The following BPHL variants were observed in gnomAD, a reference collection of about 807,000 sequenced individuals.
The protein encoded by BPHL is biphenyl hydrolase like.
In BPHL, 27 loss-of-function variants were observed where a neutral mutation model predicts 31.2. That is an observed-to-expected ratio of 0.87 (90% confidence interval 0.64 to 1.19). The LOEUF is 1.19. BPHL is among the 50% of genes most tolerant of loss of function. The pLI is 0.00. For synonymous variants in BPHL, 150 were observed against 146.8 expected (o/e 1.02, Z -0.16); for missense variants, 356 against 375.7 (o/e 0.95, Z 0.43).
chr6:3,125,224 T>C (rs1761682661), intron 2 of BPHL, among the ~76,000 whole-genome samples: 1 of 152,124 alleles, frequency 6.6e-6, no homozygotes, highest in Non-Finnish European at 1.5e-5. Context: ...TTTGTATTTT[T>C]AGTAGAGACG....
At position 3,138,080 on chromosome 6, in the gene BPHL, A is replaced by T. The variant is rs557057738; in HGVS notation, c.664+587A>T. 5 of 1,015,588 alleles carry T rather than the reference A, an allele frequency of 4.9e-6. No individual in the cohort carries two copies. In the African/African-American group the frequency reaches 8.4e-5, roughly 17 times the overall value. 62.9% of individuals were successfully genotyped at this position (1,015,588 alleles called of 1,614,324 possible). A position where few individuals can be genotyped will look rare whatever the true frequency, so the allele number is the denominator to read the frequency against. ...TGTCACCAGGCTGGAATGCAATGGC[A>T]TGATCTCAGCTCACTGCAATCTCTG... On this transcript the variant is annotated intron_variant, in intron 5 of 6. Transcript: ENST00000380379.
chr6:3,152,936 G>A lies in BPHL; in HGVS notation c.*361G>A, dbSNP rs996785588. The A allele has an allele frequency of 1.2e-4, 20 of 164,864 alleles. No individual in the cohort carries two copies. The highest frequency in any genetic ancestry group is 2.2e-4 in the African/African-American group (9 of 41,764). 10.2% of individuals were successfully genotyped at this position (164,864 alleles called of 1,614,324 possible). A position where few individuals can be genotyped will look rare whatever the true frequency, so the allele number is the denominator to read the frequency against. ...GGTCCCAGGTGCTCAGGAAGCTGAGGTGGGAGGATCACTTGAGCCCAATTC... is the reference window on the plus strand; with the variant it reads ...GGTCCCAGGTGCTCAGGAAGCTGAGATGGGAGGATCACTTGAGCCCAATTC... On this transcript the variant is annotated 3_prime_UTR_variant, in exon 7 of 7. Coordinates refer to ENST00000380379, the MANE Select transcript of BPHL (RefSeq NM_004332.4).
At chr6:3,131,915 C>T (rs1231452667) in intron 4 of BPHL, among the ~76,000 whole-genome samples, 1 of 152,172 alleles carries the variant, frequency 6.6e-6, no homozygotes, top group Non-Finnish European at 1.5e-5. Flanking sequence ...TGCTCTCCCT[C>T]CTGGACCCCG....
intron 1 of BPHL, among the ~76,000 whole-genome samples, chr6:3,123,203 T>A (rs1379890701): frequency 6.6e-6 from 1 of 152,132 alleles, no homozygotes; most frequent in African/African-American, 2.4e-5. Context: ...CTGTTCAGAA[T>A]TGGAAAAATC....
intron 1 of BPHL, 37 bp downstream of exon 1, chr6:3,118,884 T>A: frequency 8.1e-7 from 1 of 1,228,704 alleles, no homozygotes. Flanking sequence ...ATCCCCAGCA[T>A]CGGCGCGCTC....
intron 5 of BPHL, chr6:3,138,349 T>A (rs1221485988): frequency 6.1e-6 from 1 of 163,798 alleles, no homozygotes; most frequent in Non-Finnish European, 1.3e-5. Context: ...TTAACAAGAT[T>A]TCCAGTTAAA....
chr6:3,143,578 G>C (rs927517006), intron 6 of BPHL, among the ~76,000 whole-genome samples: 1 of 152,346 alleles, frequency 6.6e-6, no homozygotes, highest in Admixed American at 6.5e-5. Context: ...CACACTATGA[G>C]AGCTGCTCAG....
At chr6:3,136,150 C>T (rs1762012330) in intron 4 of BPHL, among the ~76,000 whole-genome samples, 2 of 152,252 alleles carry the variant, frequency 1.3e-5, no homozygotes, top group African/African-American at 4.8e-5. Context: ...AGTTATTCCC[C>T]TGCAAGAAGG....
At position 3,140,370 on chromosome 6, in the gene BPHL, G is replaced by A; in HGVS notation, c.665-16G>A. 6.2e-7 allele frequency: 1 copy of A among 1,614,014 alleles called. No individual in the cohort carries two copies. The highest frequency in any genetic ancestry group is 8.5e-7 in the Non-Finnish European group (1 of 1,179,976). ...GGTTGCACTAAAGCAGATTCCTCGTGCTGTGTATCCGTCAGGTAACATCTG... is the reference window on the plus strand; with the variant it reads ...GGTTGCACTAAAGCAGATTCCTCGTACTGTGTATCCGTCAGGTAACATCTG... On this transcript the variant is annotated splice_polypyrimidine_tract_variant and intron_variant, in intron 5 of 6. Coordinates refer to ENST00000380379, the MANE Select transcript of BPHL (RefSeq NM_004332.4). The surrounding 1 kb of genome is among the most constrained non-coding windows in gnomAD (Gnocchi z 5.2).
rs115144259 is a variant in BPHL, at chr6:3,149,776, C to T, written c.789-2712C>T. On this transcript the variant is annotated intron_variant, in intron 6 of 6. Coordinates refer to ENST00000380379, the MANE Select transcript of BPHL (RefSeq NM_004332.4). The surrounding 1 kb of genome is among the most constrained non-coding windows in gnomAD (Gnocchi z 4.6). Reference sequence around the variant, plus strand: ...TCCCGAGTAGCTGGGATTATAGGCGCGCATCACCACGCCGGCTAATTTTTG... The same window carrying T: ...TCCCGAGTAGCTGGGATTATAGGCGTGCATCACCACGCCGGCTAATTTTTG... Among the ~76,000 whole-genome samples, 2,136 of 152,136 alleles carry T rather than the reference C, an allele frequency of 0.014. 53 individuals are homozygous for T. The highest frequency in any genetic ancestry group is 0.049 in the African/African-American group (2,027 of 41,482).
At chr6:3,127,094 G>A (rs1761736542) in intron 2 of BPHL, 148 bp from the exon 3 acceptor site, 5 of 494,948 alleles carry the variant, frequency 1.0e-5, no homozygotes, top group Non-Finnish European at 6.9e-6. Context: ...GATGGATTAA[G>A]TCATTGCAAG....
intron 5 of BPHL, chr6:3,139,832 G>T (rs138370775): frequency 6.6e-6 from 1 of 152,638 alleles, no homozygotes; most frequent in Non-Finnish European, 1.5e-5. Flanking sequence ...ATTGCCTCAG[G>T]AAAGTTCTCA....
intron 4 of BPHL, among the ~76,000 whole-genome samples, chr6:3,131,273 A>G (rs1761859997): frequency 6.6e-6 from 1 of 150,668 alleles, no homozygotes; most frequent in Non-Finnish European, 1.5e-5. Context: ...CTCTACTGAA[A>G]CTCTCCTCAC....
At chr6:3,144,061 C>T (rs1388388995) in intron 6 of BPHL, among the ~76,000 whole-genome samples, 1 of 152,174 alleles carries the variant, frequency 6.6e-6, no homozygotes, top group African/African-American at 2.4e-5. Context: ...CTCCTTATAC[C>T]TTTTTTCTTC....
chr6:3,144,313 C>T (rs559340207), intron 6 of BPHL, among the ~76,000 whole-genome samples: 127 of 151,978 alleles, frequency 8.4e-4, no homozygotes, highest in African/African-American at 2.8e-3. Flanking sequence ...GTGATGCACC[C>T]GCCTCGGCCT....
chr6:3,134,791 A>G (rs1761966789), intron 4 of BPHL, among the ~76,000 whole-genome samples: 1 of 151,640 alleles, frequency 6.6e-6, no homozygotes, highest in Non-Finnish European at 1.5e-5. Context: ...TTTAGTAGAG[A>G]CGGGGTTTCA....
chr6:3,151,154 G>A (rs1032719822), intron 6 of BPHL, among the ~76,000 whole-genome samples: 1 of 152,152 alleles, frequency 6.6e-6, no homozygotes, highest in Non-Finnish European at 1.5e-5. Context: ...GCTTAGTGCA[G>A]ATTAGGGGAT....
At chr6:3,118,547 C>G (rs1278271727), upstream of BPHL, 3 of 406,332 alleles carry the variant, frequency 7.4e-6, no homozygotes, top group Non-Finnish European at 1.3e-5. Flanking sequence ...ACTGCGAAAC[C>G]ACGAGCCGAG....
intron 5 of BPHL, chr6:3,139,495 T>A (rs1417112682): frequency 6.6e-6 from 1 of 152,190 alleles, no homozygotes; most frequent in East Asian, 1.9e-4. Context: ...GCTTCTCACT[T>A]AGCAGGCAGT....
Sources: gnomAD v4.1 joint callset for allele counts (sites outside exome capture counted in the v4.1 genomes callset) on GRCh38, gnomAD v4.1.1 for gene constraint, Gnocchi (gnomAD v3.1) non-coding constraint, MANE v1.5 for transcripts, NCBI Gene and HGNC (gene_info 2026-07-23, HGNC 2026-07-21) for gene names.